RPTOR: variants seen among roughly 807,000 people sequenced by gnomAD.
RPTOR encodes the protein regulatory associated protein of MTOR complex 1, also known as regulatory-associated protein of mTOR.
RPTOR carries 21 observed loss-of-function variants against 169.9 expected under a neutral mutation model. The ratio of observed to expected loss-of-function variants is 0.12; its 90% CI spans 0.09 to 0.18. The LOEUF is 0.18. Among genes scored for constraint, RPTOR ranks in the 10% least tolerant of loss-of-function variants. RPTOR has a pLI of 1.00. For synonymous variants in RPTOR, 732 were observed against 753.2 expected, an observed-to-expected ratio of 0.97 and a Z score of 0.46; for missense variants, 1,133 against 1,855.9, an observed-to-expected ratio of 0.61 and a Z score of 7.16.
At chr17:80,917,115 C>CT (rs763312136) in intron 21 of RPTOR, among the ~76,000 whole-genome samples, 107 of 124,446 alleles carry the variant, frequency 8.6e-4, no homozygotes, top group Non-Finnish European at 1.4e-3. Flanking sequence ...GGATAGGTTT[C>CT]ATTTTTTTTT....
At chr17:80,643,598 T>C in intron 2 of RPTOR, 130 bp from the exon 3 acceptor site, 1 of 644,108 alleles carries the variant, frequency 1.6e-6, no homozygotes. Context: ...TGATCAACCT[T>C]AGGCGTTGTG....
chr17:80,899,900 G>A (rs528461936), intron 20 of RPTOR, among the ~76,000 whole-genome samples: 17 of 152,270 alleles, frequency 1.1e-4, no homozygotes, highest in African/African-American at 4.1e-4. Flanking sequence ...CACCCTGCCC[G>A]CACCCTGGCC....
intron 20 of RPTOR, among the ~76,000 whole-genome samples, chr17:80,897,523 T>G (rs913312466): frequency 6.6e-6 from 1 of 152,248 alleles, no homozygotes; most frequent in Non-Finnish European, 1.5e-5. Flanking sequence ...CATGGCTGTT[T>G]GTTAGGGTAG....
chr17:80,550,238 C>T (rs1005326145), intron 1 of RPTOR, among the ~76,000 whole-genome samples: 4 of 152,198 alleles, frequency 2.6e-5, no homozygotes, highest in African/African-American at 9.7e-5. Context: ...TCTTCTCTGT[C>T]CTTCTCTGTT....
Position 80,887,183 on chromosome 17 carries a change from G to A in RPTOR, c.1983+2035G>A, listed in dbSNP as rs2672880. Among the ~76,000 whole-genome samples, 1,141 of 152,022 alleles carry A rather than the reference G, an allele frequency of 7.5e-3. 17 individuals carry two copies. Among genetic ancestry groups the A allele is most frequent in the African/African-American group, 0.026 (1,089 of 41,416 alleles). On this transcript the variant is annotated intron_variant, in intron 17 of 33. Coordinates refer to ENST00000306801, the MANE Select transcript of RPTOR (RefSeq NM_020761.3). ...GTGACCAAGCGGGCTGCACTGGCGC[G>A]CAGACTCCGGAGGTGCGCTGGCTCT... is the stretch of plus-strand genomic sequence containing the variant.
rs114901144 is a variant in RPTOR at position 80,775,507 on chromosome 17, G to A, written c.831-15943G>A. Reference sequence around the variant, plus strand: ...AGCTGAGAATGTTGAAAATACTAAAGTGCAGCAGAAGCAAGGAGGCAGAGC... The same window carrying A: ...AGCTGAGAATGTTGAAAATACTAAAATGCAGCAGAAGCAAGGAGGCAGAGC... On this transcript the variant is annotated intron_variant, in intron 6 of 33. Coordinates refer to ENST00000306801, the MANE Select transcript of RPTOR (RefSeq NM_020761.3). Among the ~76,000 whole-genome samples the A allele has an allele frequency of 7.4e-3, 1,126 of 152,316 alleles. 16 individuals carry two copies. The highest frequency in any genetic ancestry group is 0.025 in the African/African-American group (1,037 of 41,546).
intron 5 of RPTOR, among the ~76,000 whole-genome samples, chr17:80,737,964 G>A (rs1365590675): frequency 6.6e-5 from 10 of 152,046 alleles, no homozygotes; most frequent in African/African-American, 1.9e-4. Context: ...TCCACAGAAC[G>A]GCCATCCCCA....
intron 13 of RPTOR, among the ~76,000 whole-genome samples, chr17:80,871,175 G>A (rs1233975141): frequency 6.6e-6 from 1 of 151,372 alleles, no homozygotes; most frequent in East Asian, 1.9e-4. Context: ...GCGCGATCTC[G>A]GCTCACTGCA....
In RPTOR at chr17:80,665,456, T is replaced by C. The variant is rs1332023119; in HGVS notation, c.348+21646T>C. Among the ~76,000 whole-genome samples, 2 of 27,994 alleles carry C rather than the reference T, an allele frequency of 7.1e-5. 1 individual carries two copies. The highest frequency in any genetic ancestry group is 7.9e-4 in the African/African-American group (2 of 2,530). 18.4% of individuals were successfully genotyped at this position (27,994 alleles called of 152,430 possible). A position where few individuals can be genotyped will look rare whatever the true frequency, so the allele number is the denominator to read the frequency against. On this transcript the variant is annotated intron_variant, in intron 3 of 33. Coordinates refer to ENST00000306801, the MANE Select transcript of RPTOR (RefSeq NM_020761.3). The stretch of plus-strand genomic sequence containing the variant: ...TCCTTTCCTTTCCTTTCCTTTCCTT[T>C]CCTTTCCTTTCCTTTCCTTTCCTTT...
intron 1 of RPTOR, among the ~76,000 whole-genome samples, chr17:80,578,478 G>T (rs534344960): frequency 6.6e-6 from 1 of 152,142 alleles, no homozygotes. Context: ...GCTGCTTTCC[G>T]TGGGCTCTGT....
At chr17:80,855,973 C>T (rs192129839) in intron 12 of RPTOR, among the ~76,000 whole-genome samples, 1 of 152,282 alleles carries the variant, frequency 6.6e-6, no homozygotes, top group African/African-American at 2.4e-5. Context: ...AGGCACAATT[C>T]GGAAACGCTC....
At chr17:80,578,290 G>T (rs572894412) in intron 1 of RPTOR, among the ~76,000 whole-genome samples, 1 of 152,258 alleles carries the variant, frequency 6.6e-6, no homozygotes, top group South Asian at 2.1e-4. Context: ...TGAGTTTCAA[G>T]GGAGGAAATT....
chr17:80,935,169 T>TA (rs1228759896), intron 24 of RPTOR, among the ~76,000 whole-genome samples: 1 of 152,164 alleles, frequency 6.6e-6, no homozygotes, highest in Non-Finnish European at 1.5e-5. Flanking sequence ...ATGTGAAAGA[T>TA]ATGTATTCTG....
chr17:80,576,687 A>T (rs571379671), intron 1 of RPTOR, among the ~76,000 whole-genome samples: 1 of 152,262 alleles, frequency 6.6e-6, no homozygotes, highest in African/African-American at 2.4e-5. Context: ...GTTAGTCTGA[A>T]AATATCTTTT....
chr17:80,919,651 G>A (rs878860190), intron 21 of RPTOR, among the ~76,000 whole-genome samples: 2 of 152,210 alleles, frequency 1.3e-5, no homozygotes, highest in Non-Finnish European at 2.9e-5. Flanking sequence ...TGCAACAGTC[G>A]GGGGTGGATA....
At chr17:80,856,649 G>A (rs544983106) in intron 12 of RPTOR, among the ~76,000 whole-genome samples, 37 of 152,304 alleles carry the variant, frequency 2.4e-4, no homozygotes, top group Non-Finnish European at 4.1e-4. Context: ...GAAGGCTGGC[G>A]TGACTCGGTC....
chr17:80,573,970 C>T (rs565939971), intron 1 of RPTOR, among the ~76,000 whole-genome samples: 8 of 152,248 alleles, frequency 5.3e-5, no homozygotes, highest in East Asian at 1.9e-4. Context: ...ATGCCTGGGT[C>T]GGGGGAAGTT....
chr17:80,790,688 C>T (rs986589242), intron 6 of RPTOR, among the ~76,000 whole-genome samples: 2 of 152,262 alleles, frequency 1.3e-5, no homozygotes, highest in East Asian at 1.9e-4. Context: ...GCCAACAGTC[C>T]GCGAGTGTGT....
At chr17:80,615,449 C>T (rs773317261) in intron 1 of RPTOR, among the ~76,000 whole-genome samples, 12 of 152,124 alleles carry the variant, frequency 7.9e-5, no homozygotes, top group Non-Finnish European at 4.4e-5. Flanking sequence ...AGCTATGAAC[C>T]GTAGCATAAG....
Sources: allele counts gnomAD v4.1 joint callset (sites outside exome capture counted in the v4.1 genomes callset), GRCh38; gene constraint gnomAD v4.1.1; transcripts MANE v1.5; gene names NCBI Gene and HGNC (gene_info 2026-07-23, HGNC 2026-07-21).